Variants in MBD5 observed in about 807,000 individuals in gnomAD.
The protein encoded by MBD5 is methyl-CpG binding domain protein 5.
MBD5 carries 13 observed loss-of-function variants against 117.3 expected under a neutral mutation model. The observed-to-expected ratio is 0.11, with a 90% CI of 0.07 to 0.18. The LOEUF (loss-of-function observed/expected upper bound fraction) is 0.18, where lower values mean the gene tolerates loss of function less well. Ranked by LOEUF, MBD5 falls within the 10% of genes least tolerant of loss-of-function variation. MBD5 has a pLI of 1.00. For missense variants in MBD5, 1,879 were observed against 2,093.8 expected (o/e 0.90, Z 2.00); for synonymous variants, 727 against 766.4 (o/e 0.95, Z 0.85).
chr2:148,494,887 C>T (rs942748688), intron 11 of MBD5, among the ~76,000 whole-genome samples: 4 of 152,100 alleles, frequency 2.6e-5, no homozygotes, highest in Non-Finnish European at 4.4e-5. Context: ...GCCGTGAACC[C>T]GGGAGGTGGA....
chr2:148,360,177 T>C (rs1406188780), intron 4 of MBD5, among the ~76,000 whole-genome samples: 1 of 152,170 alleles, frequency 6.6e-6, no homozygotes, highest in East Asian at 1.9e-4. Flanking sequence ...TCCATGTCTC[T>C]TTTATATAAA....
chr2:148,174,380 A>G (rs1424915802), intron 1 of MBD5, among the ~76,000 whole-genome samples: 7 of 152,172 alleles, frequency 4.6e-5, no homozygotes, highest in Admixed American at 4.6e-4. Flanking sequence ...GGAAAACTGC[A>G]AAATTGGTCT....
intron 3 of MBD5, among the ~76,000 whole-genome samples, chr2:148,239,237 C>T (rs1199949182): frequency 6.6e-6 from 1 of 152,074 alleles, no homozygotes; most frequent in African/African-American, 2.4e-5. Flanking sequence ...TATCTGACAC[C>T]ACCATTTCTT....
At chr2:148,360,639 T>A (rs1053895994) in intron 4 of MBD5, among the ~76,000 whole-genome samples, 8 of 152,146 alleles carry the variant, frequency 5.3e-5, no homozygotes, top group Admixed American at 1.3e-4. Flanking sequence ...TTCAAAGTAG[T>A]CCATGTGACC....
chr2:148,420,471 G>A (rs951198291), intron 4 of MBD5, among the ~76,000 whole-genome samples: 1 of 152,112 alleles, frequency 6.6e-6, no homozygotes, highest in Non-Finnish European at 1.5e-5. Context: ...TGACAGAGAA[G>A]TTGCAATAAT....
At chr2:148,088,773 A>G (rs1695862392) in intron 1 of MBD5, among the ~76,000 whole-genome samples, 1 of 152,186 alleles carries the variant, frequency 6.6e-6, no homozygotes, top group South Asian at 2.1e-4. Context: ...CATAAATCTC[A>G]CAGAACCTAT....
intron 4 of MBD5, among the ~76,000 whole-genome samples, chr2:148,434,542 T>C (rs1370801604): frequency 6.6e-6 from 1 of 151,964 alleles, no homozygotes. Flanking sequence ...GCAGGTTGTT[T>C]AATTTCCATG....
intron 3 of MBD5, among the ~76,000 whole-genome samples, chr2:148,249,063 A>T (rs1291034982): frequency 6.6e-6 from 1 of 152,132 alleles, no homozygotes; most frequent in Non-Finnish European, 1.5e-5. Context: ...TTAGGAGAAC[A>T]TCTTTCGAGT....
chr2:148,146,212 A>T (rs1244523703), intron 1 of MBD5, among the ~76,000 whole-genome samples: 2 of 152,074 alleles, frequency 1.3e-5, no homozygotes, highest in East Asian at 3.9e-4. Context: ...CTTATATATG[A>T]TGAGTTTGTT....
At position 148,338,736 on chromosome 2, in the gene MBD5, A is replaced by T. The variant is rs1254037298; in HGVS notation, c.-679-3478A>T. On this transcript the variant is annotated intron_variant, in intron 3 of 13. Transcript: ENST00000642680. Reference sequence around the variant, plus strand: ...TCACCTCTGAGGATATTACCATGAGACATGAGTCAGGAGAAACACACAGGA... The same window carrying T: ...TCACCTCTGAGGATATTACCATGAGTCATGAGTCAGGAGAAACACACAGGA... Among the ~76,000 whole-genome samples, 3 of 152,196 alleles carry T rather than the reference A, an allele frequency of 2.0e-5. No individual in the cohort carries two copies. In the South Asian group the frequency reaches 6.2e-4, roughly 32 times the overall value.
At chr2:148,301,584 G>A (rs894250621) in intron 3 of MBD5, among the ~76,000 whole-genome samples, 6 of 152,130 alleles carry the variant, frequency 3.9e-5, no homozygotes, top group African/African-American at 7.2e-5. Context: ...TCAAGTGCAC[G>A]GTTTGACCTT....
intron 4 of MBD5, among the ~76,000 whole-genome samples, chr2:148,381,713 G>C (rs1198561079): frequency 6.6e-6 from 1 of 152,172 alleles, no homozygotes; most frequent in Non-Finnish European, 1.5e-5. Flanking sequence ...AGAGAGAAAG[G>C]TCGGGTTACC....
At chr2:148,187,878 A>C (rs1254123155) in intron 2 of MBD5, among the ~76,000 whole-genome samples, 1 of 152,224 alleles carries the variant, frequency 6.6e-6, no homozygotes, top group Non-Finnish European at 1.5e-5. Context: ...ATTGGTAAAC[A>C]TAAAAGACTG....
chr2:148,212,707 A>AT (rs776284018), intron 2 of MBD5, among the ~76,000 whole-genome samples: 1 of 152,136 alleles, frequency 6.6e-6, no homozygotes, highest in Non-Finnish European at 1.5e-5. Flanking sequence ...TGGATGAGGG[A>AT]TTTTTTATAA....
At chr2:148,203,272 T>A (rs1356041321) in intron 2 of MBD5, among the ~76,000 whole-genome samples, 1 of 152,198 alleles carries the variant, frequency 6.6e-6, no homozygotes, top group Admixed American at 6.5e-5. Context: ...CTGATTTTCT[T>A]AACATGCAAA....
chr2:148,034,882 C>A (rs117284603), intron 1 of MBD5, among the ~76,000 whole-genome samples: 505 of 152,272 alleles, frequency 3.3e-3, no homozygotes, highest in East Asian at 8.3e-3. Context: ...AAACATTATA[C>A]CCTTTTTATT....
rs60679558 is a variant in MBD5, at chr2:148,387,065, T to C, written c.-557+44729T>C. ...CTCTAAACTCAGCAATGTACATCTATATCAAACCCTTAATAGCCAAACCAG... is the reference window on the plus strand; with the variant it reads ...CTCTAAACTCAGCAATGTACATCTACATCAAACCCTTAATAGCCAAACCAG... On this transcript the variant is annotated intron_variant, in intron 4 of 13. Transcript: ENST00000642680. 4.1e-3 allele frequency among the ~76,000 whole-genome samples: 626 copies of C among 152,310 alleles called. 6 individuals carry two copies. The highest frequency in any genetic ancestry group is 0.014 in the African/African-American group (586 of 41,566).
At chr2:148,172,183 G>A (rs754841319) in intron 1 of MBD5, among the ~76,000 whole-genome samples, 24 of 152,212 alleles carry the variant, frequency 1.6e-4, no homozygotes, top group Admixed American at 1.2e-3. Context: ...GAGCCTGCAG[G>A]AACCAGGAAC....
chr2:148,209,793 G>A (rs183262624), intron 2 of MBD5, among the ~76,000 whole-genome samples: 1 of 152,100 alleles, frequency 6.6e-6, no homozygotes, highest in Admixed American at 6.5e-5. Flanking sequence ...AAGGGGCGGG[G>A]GGAGGTGCTA....
Sources: allele counts gnomAD v4.1 joint callset (sites outside exome capture counted in the v4.1 genomes callset), GRCh38; gene constraint gnomAD v4.1.1; transcripts MANE v1.5; gene names NCBI Gene and HGNC (gene_info 2026-07-23, HGNC 2026-07-21).